The following PKHD1L1 variants were observed in gnomAD, a reference collection of about 807,000 sequenced individuals.
PKHD1L1 encodes PKHD1 like 1.
In PKHD1L1, 434 loss-of-function variants were observed where a neutral mutation model predicts 462.9. The ratio of observed to expected loss-of-function variants is 0.94; its 90% CI spans 0.87 to 1.02. PKHD1L1 has a LOEUF of 1.02. Among genes scored for constraint, PKHD1L1 ranks in the 50% least tolerant of loss-of-function variants. PKHD1L1 has a pLI of 0.00. For synonymous variants in PKHD1L1, 1,781 were observed against 1,750.0 expected (o/e 1.02, Z -0.44); for missense variants, 5,202 against 5,096.1 (o/e 1.02, Z -0.63).
intron 76 of PKHD1L1, among the ~76,000 whole-genome samples, chr8:109,525,717 A>C (rs1038643625): frequency 1.3e-5 from 2 of 152,234 alleles, no homozygotes. Context: ...CATCAAAAAA[A>C]TTAATAAAAA....
At chr8:109,416,306 G>A (rs1048890470) in intron 21 of PKHD1L1, among the ~76,000 whole-genome samples, 2 of 152,178 alleles carry the variant, frequency 1.3e-5, no homozygotes, top group African/African-American at 4.8e-5. Context: ...AGAAATTCTT[G>A]TTTACACAAA....
At chr8:109,371,163 C>T (rs1261245863) in intron 2 of PKHD1L1, among the ~76,000 whole-genome samples, 1 of 152,194 alleles carries the variant, frequency 6.6e-6, no homozygotes, top group Non-Finnish European at 1.5e-5. Flanking sequence ...TCTCCAGCAC[C>T]TGTTGTTTCC....
In PKHD1L1 at chr8:109,384,037, T is replaced by A. The variant is rs1183777941; in HGVS notation, c.418-33T>A. ...CACAAAACTAGAAACAAAACAGAGA[T>A]AAGTTTTCATATTGACATTATTCTT... On this transcript the variant is annotated intron_variant, in intron 4 of 77. Coordinates refer to ENST00000378402, the MANE Select transcript of PKHD1L1 (RefSeq NM_177531.6). The A allele has an allele frequency of 3.5e-6, 5 of 1,420,462 alleles. No homozygotes were observed. In the African/African-American group the frequency reaches 5.7e-5, roughly 16 times the overall value. The allele number at this position is 1,420,462 out of a possible 1,614,324, so 88.0% of individuals were successfully genotyped here.
chr8:109,508,554 T>G (rs1181988691), intron 70 of PKHD1L1, among the ~76,000 whole-genome samples: 2 of 152,002 alleles, frequency 1.3e-5, no homozygotes, highest in African/African-American at 4.8e-5. Flanking sequence ...TGGAGTGATC[T>G]TCATACTTTA....
intron 71 of PKHD1L1, among the ~76,000 whole-genome samples, chr8:109,514,758 A>G (rs961170202): frequency 6.6e-6 from 1 of 152,100 alleles, no homozygotes; most frequent in African/African-American, 2.4e-5. Context: ...CTTCCTACCA[A>G]ATTTTTCTCA....
chr8:109,444,709 T>G lies in PKHD1L1; in HGVS notation c.4840T>G (p.Ser1614Ala). ...TGTCGTAGAAGAAAGTAGTGAGGAT[T>G]CAATTACATGTCATATTGACCCTCA... ...PCVVEESSEDSITCHIDPQNS... is the reference protein window; with the variant it reads ...PCVVEESSEDAITCHIDPQNS... The change falls in exon 38 of 78, where the codon TCA (serine) becomes GCA (alanine). Residue 1614 changes from serine to alanine, a missense_variant. This residue lies in a region of PKHD1L1 where 4,497 missense variants were observed against 4,336.8 expected (regional missense o/e 1.04). Transcript: ENST00000378402. The G allele has an allele frequency of 6.2e-7, 1 of 1,613,852 alleles. No homozygotes were observed. Among genetic ancestry groups the G allele is most frequent in the Non-Finnish European group, 8.5e-7 (1 of 1,179,724 alleles).
At chr8:109,482,336 C>T (rs756714955) in intron 56 of PKHD1L1, among the ~76,000 whole-genome samples, 4 of 151,718 alleles carry the variant, frequency 2.6e-5, no homozygotes, top group Non-Finnish European at 4.4e-5. Context: ...AAAGTATGTG[C>T]TTTTTATTTC....
chr8:109,408,206 A>G lies in PKHD1L1; in HGVS notation c.1971A>G (p.Glu657=). The G allele has an allele frequency of 6.2e-7, 1 of 1,610,048 alleles. No homozygotes were observed. The highest frequency in any genetic ancestry group is 8.5e-7 in the Non-Finnish European group (1 of 1,177,472). The change falls in exon 18 of 78, where the codon GAA becomes GAG. Residue 657 remains glutamate, a splice_region_variant and synonymous_variant. Coordinates refer to ENST00000378402, the MANE Select transcript of PKHD1L1 (RefSeq NM_177531.6). The part of the protein sequence containing the change: ...KPLTLWSSEA[E]FQGAVEEMVS... Reference sequence around the variant, plus strand: ...TCACTCTATGGTCATCAGAAGCTGAAGTACGGTGTAGGAATGTTTCTACCA... The same window carrying G: ...TCACTCTATGGTCATCAGAAGCTGAGGTACGGTGTAGGAATGTTTCTACCA...
intron 8 of PKHD1L1, among the ~76,000 whole-genome samples, chr8:109,390,022 T>A (rs1812639254): frequency 6.6e-6 from 1 of 152,168 alleles, no homozygotes; most frequent in Non-Finnish European, 1.5e-5. Flanking sequence ...GTGTCATTGC[T>A]CTTGGCTAAT....
rs1156330010 is a variant in PKHD1L1, at chr8:109,497,145, T to C, written c.10477-5T>C. Reference sequence around the variant, plus strand: ...GTATTATGTAACCTGCAAATTCTATTGCAGACCACAGAGAGTGTGCACATT... The same window carrying C: ...GTATTATGTAACCTGCAAATTCTATCGCAGACCACAGAGAGTGTGCACATT... On this transcript the variant is annotated splice_region_variant and splice_polypyrimidine_tract_variant and intron_variant, in intron 64 of 77. Transcript: ENST00000378402. 3.7e-6 allele frequency: 6 copies of C among 1,613,426 alleles called. No individual in the cohort carries two copies. The East Asian group carries it at 1.1e-4, about 30-fold the overall frequency.
intron 51 of PKHD1L1, among the ~76,000 whole-genome samples, chr8:109,476,300 T>C (rs1749315310): frequency 6.6e-6 from 1 of 151,992 alleles, no homozygotes; most frequent in African/African-American, 2.4e-5. Context: ...AGAGAGATCC[T>C]TTCGTTGCCT....
rs978458839 is a variant in PKHD1L1 at position 109,427,031 on chromosome 8, C to T, written c.2875C>T (p.Leu959=). ...GLPAAVSAAD[L]QFALQSLEGM... ...CCCCGCTGCTGTGTCAGCTGCAGAT[C>T]TGCAGTTTGCACTCCAGAGTCTGGA... Residue 959 remains leucine, a synonymous_variant, in exon 25 of 78, where the codon CTG becomes TTG. Coordinates refer to ENST00000378402, the MANE Select transcript of PKHD1L1 (RefSeq NM_177531.6). 4.5e-5 allele frequency: 73 copies of T among 1,605,526 alleles called. No homozygotes were observed. The highest frequency in any genetic ancestry group is 6.0e-5 in the Non-Finnish European group (70 of 1,172,370).
intron 15 of PKHD1L1, 70 bp downstream of exon 15, chr8:109,404,783 A>G: frequency 1.4e-6 from 2 of 1,401,270 alleles, no homozygotes; most frequent in Non-Finnish European, 1.9e-6. Flanking sequence ...TTGATTATTA[A>G]TTTTACTAGG....
In PKHD1L1 at chr8:109,498,743, T is replaced by C. The variant is rs183119483; in HGVS notation, c.10800T>C (p.Asn3600=). 1,246 of 1,613,730 alleles carry C rather than the reference T, an allele frequency of 7.7e-4. No individual in the cohort carries two copies. Among genetic ancestry groups the C allele is most frequent in the Admixed American group, 1.0e-3 (63 of 60,016 alleles). Reference sequence around the variant, plus strand: ...CCCATGCAGGAATCATGAGTTACAATGCCATCAGTGGCCTTTTGGACATCT... The same window carrying C: ...CCCATGCAGGAATCATGAGTTACAACGCCATCAGTGGCCTTTTGGACATCT... The part of the protein sequence containing the change: ...RKPHAGIMSY[N]AISGLLDISG... Residue 3600 remains asparagine (N), a synonymous_variant, in exon 67 of 78, where the codon AAT becomes AAC. Transcript: ENST00000378402.
At chr8:109,365,963 T>A (rs909301375) in intron 2 of PKHD1L1, among the ~76,000 whole-genome samples, 23 of 151,880 alleles carry the variant, frequency 1.5e-4, no homozygotes, top group Non-Finnish European at 2.5e-4. Flanking sequence ...ACAGAGCGAG[T>A]CTCCATCTCA....
intron 55 of PKHD1L1, chr8:109,480,445 A>C: frequency 2.4e-6 from 1 of 410,656 alleles, no homozygotes; most frequent in Non-Finnish European, 4.6e-6. Flanking sequence ...TCCAACAAAG[A>C]GTCCTAGGAG....
At position 109,438,455 on chromosome 8, in the gene PKHD1L1, A is replaced by G. The variant is rs1366628281; in HGVS notation, c.3759A>G (p.Leu1253=). The change falls in exon 31 of 78, where the codon CTA becomes CTG. Residue 1253 remains leucine (L), a splice_region_variant and synonymous_variant. Coordinates refer to ENST00000378402, the MANE Select transcript of PKHD1L1 (RefSeq NM_177531.6). ...TDFSPKVRTI[L]GEVNLTIKGY... ...TTAGTCCAAAAGTACGAACAATACT[A>G]GGTAAGAAATTCTTCAATAAGATTG... 1 of 1,534,820 alleles carries G rather than the reference A, an allele frequency of 6.5e-7. No individual in the cohort carries two copies.
intron 47 of PKHD1L1, 139 bp downstream of exon 47, chr8:109,459,975 A>T: frequency 1.4e-6 from 1 of 689,832 alleles, no homozygotes; most frequent in Non-Finnish European, 2.0e-6. Flanking sequence ...TAATCTTATA[A>T]GATACCATTA....
intron 50 of PKHD1L1, among the ~76,000 whole-genome samples, chr8:109,471,586 G>A (rs1363018652): frequency 3.9e-5 from 6 of 152,120 alleles, no homozygotes; most frequent in Non-Finnish European, 7.4e-5. Context: ...AATGAATGCC[G>A]AATTTGGTTC....
Sources: allele counts gnomAD v4.1 joint callset (sites outside exome capture counted in the v4.1 genomes callset), GRCh38; gene constraint gnomAD v4.1.1; regional missense constraint gnomAD v4.1.1; transcripts MANE v1.5; gene names NCBI Gene and HGNC (gene_info 2026-07-23, HGNC 2026-07-21).